CYP2U1: variants seen among roughly 807,000 people sequenced by gnomAD.
The protein encoded by CYP2U1 is cytochrome P450 2U1.
A neutral mutation model predicts 42.8 loss-of-function variants in CYP2U1; 28 were observed. The observed-to-expected ratio is 0.65, with a 90% CI of 0.48 to 0.90. The LOEUF (loss-of-function observed/expected upper bound fraction) is 0.90, where lower values mean the gene tolerates loss of function less well. CYP2U1 is among the 40% of genes least tolerant of loss of function. CYP2U1 has a pLI of 0.00. For missense variants in CYP2U1, 642 were observed against 693.8 expected (o/e 0.93, Z 0.84); for synonymous variants, 296 against 278.9 (o/e 1.06, Z -0.61).
chr4:107,934,658 T>G (rs1010033907), intron 1 of CYP2U1, among the ~76,000 whole-genome samples: 8 of 152,220 alleles, frequency 5.3e-5, no homozygotes, highest in African/African-American at 1.9e-4. Flanking sequence ...GCTGCCTTTC[T>G]CTTTTTTAGC....
In CYP2U1 at chr4:107,950,676, T is replaced by G; in HGVS notation, c.*253T>G. ...CAAAGTACCTATGAAACGGGATATC[T>G]GGATTTTACTTGCAGTGGCTTCCAC... On this transcript the variant is annotated 3_prime_UTR_variant, in exon 5 of 5. Coordinates refer to ENST00000332884, the MANE Select transcript of CYP2U1 (RefSeq NM_183075.3). 2.9e-6 allele frequency: 1 copy of G among 339,160 alleles called. No homozygotes were observed. Among genetic ancestry groups the G allele is most frequent in the Non-Finnish European group, 5.3e-6 (1 of 187,016 alleles). The allele number at this position is 339,160 out of a possible 1,614,324, so 21.0% of individuals were successfully genotyped here.
chr4:107,941,003 T>C (rs1733473738), intron 1 of CYP2U1: 1 of 151,990 alleles, frequency 6.6e-6, no homozygotes, highest in Non-Finnish European at 1.5e-5. Context: ...AACATAAGGG[T>C]ACAGAAAAGT....
intron 3 of CYP2U1, among the ~76,000 whole-genome samples, chr4:107,948,365 A>T (rs1439091165): frequency 6.6e-6 from 1 of 150,902 alleles, no homozygotes; most frequent in African/African-American, 2.4e-5. Flanking sequence ...GGAGTTCGAG[A>T]CCAGCCTAGC....
At chr4:107,939,647 C>T (rs1191040759) in intron 1 of CYP2U1, among the ~76,000 whole-genome samples, 1 of 152,078 alleles carries the variant, frequency 6.6e-6, no homozygotes, top group Admixed American at 6.5e-5. Flanking sequence ...AGAACTACTC[C>T]CCTAGTTTAC....
chr4:107,949,674 T>C (rs1264116144), intron 4 of CYP2U1, among the ~76,000 whole-genome samples, 157 bp downstream of exon 4: 1 of 152,154 alleles, frequency 6.6e-6, no homozygotes, highest in Admixed American at 6.5e-5. Flanking sequence ...CTATGTTCAT[T>C]TCAGATTTTA....
intron 1 of CYP2U1, chr4:107,935,959 T>C (rs995038973): frequency 1.3e-5 from 2 of 152,262 alleles, no homozygotes; most frequent in African/African-American, 4.8e-5. Context: ...TTGGTGAGAA[T>C]AGCAGAGAAG....
chr4:107,938,856 T>C (rs1042953497), intron 1 of CYP2U1: 2 of 152,058 alleles, frequency 1.3e-5, no homozygotes, highest in African/African-American at 2.4e-5. Context: ...AGAGATGCTA[T>C]ATATGATATA....
intron 1 of CYP2U1, chr4:107,940,746 T>C (rs1194710035): frequency 6.6e-6 from 1 of 152,070 alleles, no homozygotes; most frequent in Admixed American, 6.5e-5. Flanking sequence ...GTGTTAAAAA[T>C]GTAAGAGTGA....
rs1291543104 is a variant in CYP2U1, at chr4:107,947,408, G to A, written c.1159G>A (p.Gly387Ser). The A allele has an allele frequency of 6.2e-7, 1 of 1,614,082 alleles. No homozygotes were observed. The change falls in exon 3 of 5, where the codon GGC becomes AGC. Residue 387 changes from glycine (G) to serine (S), a missense_variant. Physicochemically the swap from Gly to Ser is moderately conservative, Grantham distance 56. Transcript: ENST00000332884. ...KVHEEIERVI[G>S]ANRAPSLTDK... ...TCATGAAGAAATTGAAAGAGTCATTGGCGCCAACCGAGCTCCTTCCCTCAC... is the reference window on the plus strand; with the variant it reads ...TCATGAAGAAATTGAAAGAGTCATTAGCGCCAACCGAGCTCCTTCCCTCAC...
In CYP2U1 at chr4:107,951,571, C is replaced by G. The variant is rs551151040; in HGVS notation, c.*1148C>G. 6 of 152,346 alleles carry G rather than the reference C, an allele frequency of 3.9e-5. No homozygotes were observed. The South Asian group carries it at 1.2e-3, about 32-fold the overall frequency. The allele number at this position is 152,346 out of a possible 1,614,324, so 9.4% of individuals were successfully genotyped here. A position where few individuals can be genotyped will look rare whatever the true frequency, so the allele number is the denominator to read the frequency against. On this transcript the variant is annotated 3_prime_UTR_variant, in exon 5 of 5. Coordinates refer to ENST00000332884, the MANE Select transcript of CYP2U1 (RefSeq NM_183075.3). ...CTTGGTTATCATAATGATGGGGGTG[C>G]TACTGGCCTTCTGCTGCCATGGGAC...
chr4:107,931,623 G>A lies in CYP2U1; in HGVS notation c.-21G>A, dbSNP rs1732973169. The A allele has an allele frequency of 4.0e-6, 5 of 1,252,140 alleles. No individual in the cohort carries two copies. Among genetic ancestry groups the A allele is most frequent in the African/African-American group, 1.5e-5 (1 of 64,556 alleles). 77.6% of individuals were successfully genotyped at this position (1,252,140 alleles called of 1,614,324 possible). ...CTCCTCCAGGCAGCAAGGGGAACCC[G>A]AGGCCGCCGGCGCCCGGACCATGTC... is the stretch of plus-strand genomic sequence containing the variant. On this transcript the variant is annotated 5_prime_UTR_variant, in exon 1 of 5. Coordinates refer to ENST00000332884, the MANE Select transcript of CYP2U1 (RefSeq NM_183075.3).
rs1489617415 is a variant in CYP2U1, at chr4:107,950,577, C to T, written c.*154C>T. On this transcript the variant is annotated 3_prime_UTR_variant, in exon 5 of 5. Coordinates refer to ENST00000332884, the MANE Select transcript of CYP2U1 (RefSeq NM_183075.3). Reference sequence around the variant, plus strand: ...GAGGGTAGAGCACACTGGGAGGTTTCATCTTGGAGGATTCCTCAGCAGGAT... The same window carrying T: ...GAGGGTAGAGCACACTGGGAGGTTTTATCTTGGAGGATTCCTCAGCAGGAT... 7 of 676,890 alleles carry T rather than the reference C, an allele frequency of 1.0e-5. No individual in the cohort carries two copies. The highest frequency in any genetic ancestry group is 3.6e-5 in the African/African-American group (2 of 55,088). The allele number at this position is 676,890 out of a possible 1,614,324, so 41.9% of individuals were successfully genotyped here.
intron 1 of CYP2U1, among the ~76,000 whole-genome samples, chr4:107,943,950 A>G (rs985246306): frequency 1.3e-5 from 2 of 152,236 alleles, no homozygotes; most frequent in African/African-American, 4.8e-5. Context: ...GGTGGGATGT[A>G]TAAGTGAAAA....
At chr4:107,940,763 AC>A (rs1415634587) in intron 1 of CYP2U1, 1 of 152,110 alleles carries the variant, frequency 6.6e-6, no homozygotes, top group Non-Finnish European at 1.5e-5. Context: ...GTGAACATTC[AC>A]CCTGTTTGTC....
chr4:107,939,375 A>G (rs1437980367), intron 1 of CYP2U1, among the ~76,000 whole-genome samples: 2 of 152,206 alleles, frequency 1.3e-5, no homozygotes, highest in African/African-American at 2.4e-5. Flanking sequence ...TTATTACACA[A>G]AAGGAGAGTT....
At position 107,949,359 on chromosome 4, in the gene CYP2U1, G is replaced by A. The variant is rs1439092894; in HGVS notation, c.1298G>A (p.Gly433Glu). 17 of 1,559,742 alleles carry A rather than the reference G, an allele frequency of 1.1e-5. No homozygotes were observed. The highest frequency in any genetic ancestry group is 1.4e-5 in the Non-Finnish European group (16 of 1,153,146). The change falls in exon 4 of 5, where the codon GGG (glycine) becomes GAG (glutamate). Residue 433 changes from glycine (G) to glutamate (E), a missense_variant. Transcript: ENST00000332884. ...TTTCCTTTTGTTTTAGTGCTCCAAG[G>A]GTATACCATTCCTAAAGGCACATTG... ...HMTSENTVLQ[G>E]YTIPKGTLIL...
At chr4:107,934,036 T>G (rs953535704) in intron 1 of CYP2U1, among the ~76,000 whole-genome samples, 3 of 152,224 alleles carry the variant, frequency 2.0e-5, no homozygotes, top group Non-Finnish European at 1.5e-5. Context: ...GGCAAATATC[T>G]GAGTCCCTAG....
chr4:107,937,871 A>G (rs1733331754), intron 1 of CYP2U1: 1 of 152,198 alleles, frequency 6.6e-6, no homozygotes, highest in African/African-American at 2.4e-5. Flanking sequence ...AATTTTAAAA[A>G]TTGCTTTTTA....
rs1733888668 is a variant in CYP2U1, at chr4:107,951,003, C to T, written c.*580C>T. The T allele has an allele frequency of 6.6e-6, 1 of 152,204 alleles. No individual in the cohort carries two copies. The highest frequency in any genetic ancestry group is 1.5e-5 in the Non-Finnish European group (1 of 68,058). The allele number at this position is 152,204 out of a possible 1,614,324, so 9.4% of individuals were successfully genotyped here. A position where few individuals can be genotyped will look rare whatever the true frequency, so the allele number is the denominator to read the frequency against. ...AACTTTTCTCAGCACAGATTCTATG[C>T]CAGCTTCTTTGGGCTTGTTCTGTCA... On this transcript the variant is annotated 3_prime_UTR_variant, in exon 5 of 5. Coordinates refer to ENST00000332884, the MANE Select transcript of CYP2U1 (RefSeq NM_183075.3).
Sources: allele counts gnomAD v4.1 joint callset (sites outside exome capture counted in the v4.1 genomes callset), GRCh38; gene constraint gnomAD v4.1.1; transcripts MANE v1.5; gene names NCBI Gene and HGNC (gene_info 2026-07-23, HGNC 2026-07-21).